Variants in ZBTB44 observed in about 807,000 individuals in gnomAD.
ZBTB44 encodes the protein zinc finger and BTB domain-containing protein 44.
In ZBTB44, 15 loss-of-function variants were observed where a neutral mutation model predicts 54.0. The ratio of observed to expected loss-of-function variants is 0.28; its 90% CI spans 0.19 to 0.43. ZBTB44 has a LOEUF of 0.43. ZBTB44 is among the 20% of genes least tolerant of loss of function. ZBTB44 has a pLI of 1.00. For missense variants in ZBTB44, 487 were observed against 707.1 expected (o/e 0.69, Z 3.53); for synonymous variants, 230 against 250.1 (o/e 0.92, Z 0.76).
chr11:130,260,517 T>C (rs1340428527), intron 2 of ZBTB44, among the ~76,000 whole-genome samples: 1 of 152,178 alleles, frequency 6.6e-6, no homozygotes, highest in Non-Finnish European at 1.5e-5. Context: ...GGACTATGTG[T>C]TTTTCTTTAT....
At chr11:130,260,824 T>A (rs753560902) in intron 2 of ZBTB44, 32 bp downstream of exon 2, 49 of 1,557,166 alleles carry the variant, frequency 3.1e-5, no homozygotes, top group Non-Finnish European at 4.1e-5. Flanking sequence ...ATTGACTTTA[T>A]AGCACCAAGA....
chr11:130,312,738 C>A (rs138617124), intron 1 of ZBTB44, among the ~76,000 whole-genome samples: 3 of 152,280 alleles, frequency 2.0e-5, no homozygotes, highest in Non-Finnish European at 4.4e-5. Context: ...ATGCATGAAT[C>A]TTGACTGACT....
At chr11:130,284,520 G>C (rs535264067) in intron 1 of ZBTB44, among the ~76,000 whole-genome samples, 1 of 152,274 alleles carries the variant, frequency 6.6e-6, no homozygotes, top group East Asian at 1.9e-4. Flanking sequence ...CTTAATGTCA[G>C]GGCTAGGGAT....
intron 2 of ZBTB44, among the ~76,000 whole-genome samples, chr11:130,255,540 G>A (rs1938361023): frequency 1.3e-5 from 2 of 152,006 alleles, no homozygotes; most frequent in South Asian, 4.1e-4. Flanking sequence ...CAGAAGACAA[G>A]AAATAACTAA....
chr11:130,238,742 A>G, intron 3 of ZBTB44, 135 bp from the exon 4 acceptor site: 1 of 926,942 alleles, frequency 1.1e-6, no homozygotes, highest in South Asian at 2.4e-5. Context: ...TTAGACTTCA[A>G]GTTTTACTTT....
At position 130,314,808 on chromosome 11, in the gene ZBTB44, A is replaced by C. The variant is rs923870640; in HGVS notation, c.-490T>G. The C allele has an allele frequency of 1.4e-4, 1 of 7,378 alleles. No individual in the cohort carries two copies. The highest frequency in any genetic ancestry group is 3.8e-3 in the East Asian group (1 of 264). 0.5% of individuals were successfully genotyped at this position (7,378 alleles called of 1,614,324 possible). A position where few individuals can be genotyped will look rare whatever the true frequency, so the allele number is the denominator to read the frequency against. On this transcript the variant is annotated 5_prime_UTR_variant, in exon 1 of 8. Transcript: ENST00000357899. ...AGGGGAAGGGGACTGAGGGGAGGGGAGGGGGAGGTTGGGAGGGAGCCGCCG... is the reference window on the plus strand; with the variant it reads ...AGGGGAAGGGGACTGAGGGGAGGGGCGGGGGAGGTTGGGAGGGAGCCGCCG...
At chr11:130,278,311 T>C (rs80317219) in intron 1 of ZBTB44, among the ~76,000 whole-genome samples, 1,972 of 152,276 alleles carry the variant, frequency 0.013, 46 homozygotes, top group African/African-American at 0.045. Context: ...GTTCAGTACC[T>C]CATATGATTT....
Position 130,241,941 on chromosome 11 carries a change from A to G in ZBTB44, c.1019-2045T>C, listed in dbSNP as rs4936095. ...ACATAGGTCTGTTTTCGGGTTTTCT[A>G]TTAGTTCCATCTGCTTATCTGTCCT... On this transcript the variant is annotated intron_variant, in intron 2 of 7. Coordinates refer to ENST00000357899, the MANE Select transcript of ZBTB44 (RefSeq NM_001301098.2). 4.7e-3 allele frequency among the ~76,000 whole-genome samples: 713 copies of G among 152,202 alleles called. 3 individuals are homozygous for G. The highest frequency in any genetic ancestry group is 8.2e-3 in the Non-Finnish European group (560 of 67,984).
rs1942156527 is a variant in ZBTB44, at chr11:130,304,399, C to T, written c.-57+9976G>A. Reference sequence around the variant, plus strand: ...AATATTTATAAGAGTATTAAAAAATCATATTGGAAGGAGCTTAATTAGAAG... The same window carrying T: ...AATATTTATAAGAGTATTAAAAAATTATATTGGAAGGAGCTTAATTAGAAG... On this transcript the variant is annotated intron_variant, in intron 1 of 7. Transcript: ENST00000357899. 1.3e-5 allele frequency among the ~76,000 whole-genome samples: 2 copies of T among 152,082 alleles called. 1 individual carries two copies.
chr11:130,267,052 C>T (rs1939301590), intron 1 of ZBTB44, among the ~76,000 whole-genome samples: 1 of 152,034 alleles, frequency 6.6e-6, no homozygotes, highest in South Asian at 2.1e-4. Flanking sequence ...ATGGCTTGAG[C>T]TCAAGAGTTC....
intron 1 of ZBTB44, among the ~76,000 whole-genome samples, chr11:130,301,583 G>C (rs558262260): frequency 1.0e-3 from 156 of 152,220 alleles, no homozygotes; most frequent in African/African-American, 3.6e-3. Context: ...AAGATGGCTT[G>C]AGCCTAGGAG....
chr11:130,235,228 G>A (rs1459574762), intron 5 of ZBTB44, among the ~76,000 whole-genome samples: 1 of 152,146 alleles, frequency 6.6e-6, no homozygotes, highest in African/African-American at 2.4e-5. Flanking sequence ...AATTTAGAAT[G>A]CCCTATGTTA....
intron 2 of ZBTB44, 47 bp from the exon 3 acceptor site, chr11:130,239,943 A>G: frequency 7.1e-7 from 1 of 1,401,790 alleles, no homozygotes; most frequent in Non-Finnish European, 1.0e-6. Flanking sequence ...GGTGTGAATA[A>G]GCCAAGATTG....
chr11:130,243,211 T>A (rs1248220556), intron 2 of ZBTB44, among the ~76,000 whole-genome samples: 2 of 152,370 alleles, frequency 1.3e-5, no homozygotes, highest in Admixed American at 6.5e-5. Flanking sequence ...TGCCAATATA[T>A]TTCTGCTGCA....
Position 130,294,745 on chromosome 11 carries a change from C to T in ZBTB44, c.-57+19630G>A, listed in dbSNP as rs201296445. ...AGTGTTCCAATAATGGAACGGTAGG[C>T]AAAACAGGTTAATCAGAGTACTTAA... On this transcript the variant is annotated intron_variant, in intron 1 of 7. Coordinates refer to ENST00000357899, the MANE Select transcript of ZBTB44 (RefSeq NM_001301098.2). Among the ~76,000 whole-genome samples the T allele has an allele frequency of 2.6e-5, 4 of 152,036 alleles. No individual in the cohort carries two copies. The East Asian group carries it at 7.8e-4, about 29-fold the overall frequency.
chr11:130,243,593 G>A (rs1954486957), intron 2 of ZBTB44, among the ~76,000 whole-genome samples: 1 of 152,204 alleles, frequency 6.6e-6, no homozygotes, highest in South Asian at 2.1e-4. Flanking sequence ...TTGGAGGACA[G>A]GGAGCAGGTT....
At chr11:130,292,071 T>C (rs1482879443) in intron 1 of ZBTB44, among the ~76,000 whole-genome samples, 3 of 152,248 alleles carry the variant, frequency 2.0e-5, no homozygotes, top group African/African-American at 4.8e-5. Context: ...TATTCTGAGA[T>C]TCATCCATGC....
chr11:130,313,718 CCAAAAAAAAGCACA>C (rs1030390759), intron 1 of ZBTB44, among the ~76,000 whole-genome samples: 1 of 151,964 alleles, frequency 6.6e-6, no homozygotes, highest in Non-Finnish European at 1.5e-5. Flanking sequence ...TTTGTAAGTT[CCAAAAAAAAGCACA>C]CAATTACGGG....
chr11:130,249,802 C>T (rs1402226255), intron 2 of ZBTB44, among the ~76,000 whole-genome samples: 3 of 152,178 alleles, frequency 2.0e-5, no homozygotes, highest in African/African-American at 7.2e-5. Flanking sequence ...ATCACTAGGG[C>T]CCCGGGTTTC....
Sources: gnomAD v4.1 joint callset for allele counts (sites outside exome capture counted in the v4.1 genomes callset) on GRCh38, gnomAD v4.1.1 for gene constraint, MANE v1.5 for transcripts, NCBI Gene and HGNC (gene_info 2026-07-23, HGNC 2026-07-21) for gene names.